CCZ1B: variants seen among roughly 807,000 people sequenced by gnomAD.
The protein encoded by CCZ1B is vacuolar fusion protein CCZ1 homolog B.
In CCZ1B, 25 loss-of-function variants were observed where a neutral mutation model predicts 58.8. That is an observed-to-expected ratio of 0.43 (90% CI 0.31 to 0.59). The LOEUF (loss-of-function observed/expected upper bound fraction) is 0.59, where lower values mean the gene tolerates loss of function less well. Ranked by LOEUF, CCZ1B falls within the 20% of genes least tolerant of loss-of-function variation. CCZ1B has a pLI of 0.12. For missense variants in CCZ1B, 180 were observed against 501.5 expected, an observed-to-expected ratio of 0.36 and a Z score of 6.12; for synonymous variants, 66 against 173.2, an observed-to-expected ratio of 0.38 and a Z score of 4.86.
rs575171050 is a variant in CCZ1B, at chr7:6,822,157, C to G, written c.522+124G>C. 98 of 1,425,832 alleles carry G rather than the reference C, an allele frequency of 6.9e-5. 5 individuals carry two copies. In the African/African-American group the frequency reaches 1.4e-3, roughly 20 times the overall value. 88.3% of individuals were successfully genotyped at this position (1,425,832 alleles called of 1,614,324 possible). Reference sequence around the variant, plus strand: ...GCTCCAGTTTTGCGACGGTCTGTCTCAGGCTCTTTGCCACTTTCAAGTTCT... The same window carrying G: ...GCTCCAGTTTTGCGACGGTCTGTCTGAGGCTCTTTGCCACTTTCAAGTTCT... On this transcript the variant is annotated intron_variant, in intron 6 of 14. Coordinates refer to ENST00000316731, the MANE Select transcript of CCZ1B (RefSeq NM_198097.5).
chr7:6,810,010 G>A (rs1369293520), intron 10 of CCZ1B, among the ~76,000 whole-genome samples: 34 of 150,772 alleles, frequency 2.3e-4, no homozygotes, highest in African/African-American at 8.1e-4. Context: ...CATGTTGAAC[G>A]TGTTTTTTTT....
chr7:6,801,863 C>T lies in CCZ1B; in HGVS notation c.1107-340G>A, dbSNP rs1368392894. Among the ~76,000 whole-genome samples, 22 of 114,868 alleles carry T rather than the reference C, an allele frequency of 1.9e-4. No homozygotes were observed. In the South Asian group the frequency reaches 2.8e-3, roughly 15 times the overall value. The allele number at this position is 114,868 out of a possible 152,430, so 75.4% of individuals were successfully genotyped here. A position where few individuals can be genotyped will look rare whatever the true frequency, so the allele number is the denominator to read the frequency against. ...TGCAGGGATTACAGGCGTGAGCCCC[C>T]GCGCCCGGCCCTGGCCCTCTTTTTC... is the stretch of plus-strand genomic sequence containing the variant. On this transcript the variant is annotated intron_variant, in intron 12 of 14. Coordinates refer to ENST00000316731, the MANE Select transcript of CCZ1B (RefSeq NM_198097.5).
At chr7:6,818,953 A>G (rs146402059) in intron 7 of CCZ1B, among the ~76,000 whole-genome samples, 1,882 of 147,832 alleles carry the variant, frequency 0.013, 188 homozygotes, top group African/African-American at 0.046. Context: ...CCTGGTTTAT[A>G]TAACACTTTG....
chr7:6,813,943 C>T (rs1412005087), intron 8 of CCZ1B, among the ~76,000 whole-genome samples: 5 of 148,370 alleles, frequency 3.4e-5, no homozygotes, highest in Admixed American at 2.0e-4. Context: ...GTCAGGAGTT[C>T]GAGACCAGCC....
In CCZ1B at chr7:6,814,826, C is replaced by A; in HGVS notation, c.718G>T (p.Asp240Tyr). ...QLIWSGLEQD[D>Y]MRILYKYLTT... ...AGGTATTTGTATAAAATTCTCATGT[C>A]ATCTTGTTCTAATCCACTCCTGCAA... The change falls in exon 8 of 15, where the codon GAC becomes TAC. Residue 240 changes from aspartate to tyrosine, a missense_variant. Transcript: ENST00000316731. 1.9e-6 allele frequency: 3 copies of A among 1,606,370 alleles called. No individual in the cohort carries two copies. The highest frequency in any genetic ancestry group is 2.5e-6 in the Non-Finnish European group (3 of 1,177,776).
chr7:6,824,421 C>A lies in CCZ1B; in HGVS notation c.312+34G>T, dbSNP rs183155978. 1.4e-5 allele frequency: 23 copies of A among 1,600,738 alleles called. 2 individuals carry two copies. The highest frequency in any genetic ancestry group is 1.9e-5 in the Non-Finnish European group (22 of 1,174,286). On this transcript the variant is annotated intron_variant, in intron 3 of 14. Transcript: ENST00000316731. Reference sequence around the variant, plus strand: ...AAAGATCACCCATAACTTCACCATACAATTTCAGAAAGATACACTGTGTGT... The same window carrying A: ...AAAGATCACCCATAACTTCACCATAAAATTTCAGAAAGATACACTGTGTGT...
Position 6,812,825 on chromosome 7 carries a change from C to T in CCZ1B, c.842+151G>A, listed in dbSNP as rs146406182. 1,805 of 1,461,304 alleles carry T rather than the reference C, an allele frequency of 1.2e-3. 189 individuals are homozygous for T. The African/African-American group carries it at 0.025, about 21-fold the overall frequency. The allele number at this position is 1,461,304 out of a possible 1,614,324, so 90.5% of individuals were successfully genotyped here. On this transcript the variant is annotated intron_variant, in intron 9 of 14. Coordinates refer to ENST00000316731, the MANE Select transcript of CCZ1B (RefSeq NM_198097.5). ...CCTGTAGTTCCAGCTACTTGGGAGG[C>T]TGAGGCATGAGAATCACTTGAGCCC...
chr7:6,820,119 A>G (rs1783084948), intron 6 of CCZ1B, among the ~76,000 whole-genome samples, 178 bp from the exon 7 acceptor site: 1 of 134,856 alleles, frequency 7.4e-6, no homozygotes, highest in Non-Finnish European at 1.6e-5. Flanking sequence ...CTCAGTACCA[A>G]TTCCAAGATA....
At chr7:6,822,706 CTTTT>C (rs58112556) in intron 5 of CCZ1B, among the ~76,000 whole-genome samples, 1 of 120,332 alleles carries the variant, frequency 8.3e-6, no homozygotes, top group South Asian at 3.3e-4. Flanking sequence ...ACTTTTTATC[CTTTT>C]TTTTTTTTTT....
In CCZ1B at chr7:6,799,123, A is replaced by G; in HGVS notation, c.*101T>C. ...GATTCTTCAAAGCAAGTATTGCTTT[A>G]CCCTTGTCCTGAATGCAGTCCGTCA... On this transcript the variant is annotated 3_prime_UTR_variant, in exon 15 of 15. Transcript: ENST00000316731. The G allele has an allele frequency of 4.5e-6, 3 of 670,162 alleles. No individual in the cohort carries two copies. Among genetic ancestry groups the G allele is most frequent in the Non-Finnish European group, 2.1e-6 (1 of 476,678 alleles). The allele number at this position is 670,162 out of a possible 1,614,324, so 41.5% of individuals were successfully genotyped here.
intron 7 of CCZ1B, among the ~76,000 whole-genome samples, chr7:6,818,678 AAAGAAAGAAAGAAAGAC>A (rs1248524800): frequency 0.019 from 1,467 of 76,136 alleles, 183 homozygotes; most frequent in African/African-American, 0.073. Flanking sequence ...AGAAAGAAAG[AAAGAAAGAAAGAAAGAC>A]AAGAAAGAAA....
At chr7:6,810,955 G>A (rs1027268514) in intron 10 of CCZ1B, among the ~76,000 whole-genome samples, 3 of 150,526 alleles carry the variant, frequency 2.0e-5, no homozygotes, top group African/African-American at 7.5e-5. Flanking sequence ...AGAAAGAAAT[G>A]CCAGAATGAG....
chr7:6,814,735 A>G (rs762717604), intron 8 of CCZ1B, 29 bp downstream of exon 8: 8 of 1,583,754 alleles, frequency 5.1e-6, no homozygotes, highest in Middle Eastern at 1.7e-4. Context: ...CCTGCATGTA[A>G]TTGTGTGCAG....
chr7:6,819,833 T>C lies in CCZ1B; in HGVS notation c.631A>G (p.Asn211Asp), dbSNP rs1277215551. ...MTYLKIQSFINRMEESLNIVK... is the reference protein window; with the variant it reads ...MTYLKIQSFIDRMEESLNIVK... ...ATATTCAGGCTTTCCTCCATTCTAT[T>C]AATAAAGGACTGGATTTTCAAATAA... The change falls in exon 7 of 15, where the codon AAT becomes GAT. Residue 211 changes from asparagine (N) to aspartate (D), a missense_variant. Asn to Asp is a conservative substitution (Grantham distance 23). Transcript: ENST00000316731. The C allele has an allele frequency of 1.3e-6, 2 of 1,569,026 alleles. 1 individual carries two copies. Among genetic ancestry groups the C allele is most frequent in the Non-Finnish European group, 1.7e-6 (2 of 1,146,870 alleles).
chr7:6,820,714 G>A (rs1237345964), intron 6 of CCZ1B, among the ~76,000 whole-genome samples: 1 of 148,712 alleles, frequency 6.7e-6, no homozygotes, highest in East Asian at 2.0e-4. Flanking sequence ...TTGAGGTCAG[G>A]AGTTTGAGAC....
At position 6,801,861 on chromosome 7, in the gene CCZ1B, C is replaced by A. The variant is rs180683007; in HGVS notation, c.1107-338G>T. On this transcript the variant is annotated intron_variant, in intron 12 of 14. Transcript: ENST00000316731. ...AGTGCAGGGATTACAGGCGTGAGCCCCCGCGCCCGGCCCTGGCCCTCTTTT... is the reference window on the plus strand; with the variant it reads ...AGTGCAGGGATTACAGGCGTGAGCCACCGCGCCCGGCCCTGGCCCTCTTTT... Among the ~76,000 whole-genome samples, 128 of 113,994 alleles carry A rather than the reference C, an allele frequency of 1.1e-3. 1 individual carries two copies. The highest frequency in any genetic ancestry group is 6.7e-3 in the East Asian group (21 of 3,136). 74.8% of individuals were successfully genotyped at this position (113,994 alleles called of 152,430 possible). A position where few individuals can be genotyped will look rare whatever the true frequency, so the allele number is the denominator to read the frequency against.
chr7:6,812,863 G>C, intron 9 of CCZ1B, 113 bp downstream of exon 9: 1 of 1,545,326 alleles, frequency 6.5e-7, no homozygotes, highest in South Asian at 1.2e-5. Flanking sequence ...GGAGGCAGAG[G>C]TTGCAGTGAG....
At chr7:6,816,483 T>C (rs1340392803) in intron 7 of CCZ1B, among the ~76,000 whole-genome samples, 2 of 146,592 alleles carry the variant, frequency 1.4e-5, no homozygotes, top group Non-Finnish European at 3.0e-5. Context: ...AGACTCAGTC[T>C]CAAAAAAAAA....
intron 6 of CCZ1B, among the ~76,000 whole-genome samples, 176 bp downstream of exon 6, chr7:6,822,105 A>T (rs1164553730): frequency 6.7e-6 from 1 of 149,588 alleles, no homozygotes; most frequent in Admixed American, 6.7e-5. Flanking sequence ...AAGGTTCCAG[A>T]GCACACGCCT....
Sources: allele counts gnomAD v4.1 joint callset (sites outside exome capture counted in the v4.1 genomes callset), GRCh38; gene constraint gnomAD v4.1.1; transcripts MANE v1.5; gene names NCBI Gene and HGNC (gene_info 2026-07-23, HGNC 2026-07-21).